KLHL32: variants seen among roughly 807,000 people sequenced by gnomAD.
KLHL32 encodes the protein kelch-like protein 32.
KLHL32 carries 35 observed loss-of-function variants against 64.8 expected under a neutral mutation model. The observed-to-expected ratio is 0.54, with a 90% CI of 0.41 to 0.72. The LOEUF is 0.72. Among genes scored for constraint, KLHL32 ranks in the 30% least tolerant of loss-of-function variants. KLHL32 has a pLI of 0.00. For synonymous variants in KLHL32, 259 were observed against 281.0 expected (o/e 0.92, Z 0.78); for missense variants, 589 against 768.5 (o/e 0.77, Z 2.76).
intron 1 of KLHL32, among the ~76,000 whole-genome samples, chr6:96,936,838 C>G (rs1230117096): frequency 6.6e-6 from 1 of 152,196 alleles, no homozygotes; most frequent in Non-Finnish European, 1.5e-5. Flanking sequence ...GAACTGGTGT[C>G]TCACAGTTGG....
rs182291392 is a variant in KLHL32 at position 97,048,165 on chromosome 6, A to G, written c.312+6566A>G. On this transcript the variant is annotated intron_variant, in intron 4 of 10. Coordinates refer to ENST00000369261, the MANE Select transcript of KLHL32 (RefSeq NM_052904.4). The stretch of plus-strand genomic sequence containing the variant: ...AACCCAGTGGAGAGATAAACTCTGC[A>G]CCAAATGATAGTGACGTTTATAGTC... Among the ~76,000 whole-genome samples, 27 of 152,318 alleles carry G rather than the reference A, an allele frequency of 1.8e-4. No homozygotes were observed. In the East Asian group the frequency reaches 4.8e-3, roughly 27 times the overall value.
chr6:97,088,143 A>G (rs1793702103), intron 6 of KLHL32, among the ~76,000 whole-genome samples: 1 of 152,210 alleles, frequency 6.6e-6, no homozygotes, highest in Non-Finnish European at 1.5e-5. Context: ...GAGGTAACAT[A>G]GAGAGTTGTT....
rs182410993 is a variant in KLHL32, at chr6:97,056,296, G to A, written c.313-8332G>A. Reference sequence around the variant, plus strand: ...AATTTTTTGTATTTTTAGTAGAGTCGGGGTTTCACCATGTTAGCCAGGATG... The same window carrying A: ...AATTTTTTGTATTTTTAGTAGAGTCAGGGTTTCACCATGTTAGCCAGGATG... On this transcript the variant is annotated intron_variant, in intron 4 of 10. Transcript: ENST00000369261. 3.7e-3 allele frequency among the ~76,000 whole-genome samples: 559 copies of A among 151,728 alleles called. 4 individuals are homozygous for A. The highest frequency in any genetic ancestry group is 0.013 in the African/African-American group (526 of 41,366).
chr6:96,932,832 A>G lies in KLHL32; in HGVS notation c.-66+7806A>G, dbSNP rs369447149. On this transcript the variant is annotated intron_variant, in intron 1 of 10. Transcript: ENST00000369261. ...GCAATTCTTCCACCTTGGGCTTCCA[A>G]AGTGCTGGAATTAGAGATCTGAGCC... Among the ~76,000 whole-genome samples the G allele has an allele frequency of 5.3e-5, 8 of 152,156 alleles. No homozygotes were observed. In the East Asian group the frequency reaches 1.5e-3, roughly 29 times the overall value.
the KLHL32 span, among the ~76,000 whole-genome samples, chr6:96,917,582 C>A: frequency 1.3e-5 from 2 of 152,148 alleles, no homozygotes; most frequent in Admixed American, 1.3e-4. Context: ...ACATTCTTCA[C>A]AGAGGAGGCA....
intron 5 of KLHL32, among the ~76,000 whole-genome samples, chr6:97,070,860 A>G (rs1235270826): frequency 6.6e-6 from 1 of 152,166 alleles, no homozygotes; most frequent in Non-Finnish European, 1.5e-5. Context: ...ATACTTGGAA[A>G]TTGGTGGGGG....
rs1013737444 is a variant in KLHL32 at position 97,140,254 on chromosome 6, A to G, written c.*972A>G. 7 of 152,124 alleles carry G rather than the reference A, an allele frequency of 4.6e-5. No homozygotes were observed. Among genetic ancestry groups the G allele is most frequent in the Admixed American group, 1.3e-4 (2 of 15,284 alleles). The allele number at this position is 152,124 out of a possible 1,614,324, so 9.4% of individuals were successfully genotyped here. On this transcript the variant is annotated 3_prime_UTR_variant, in exon 11 of 11. Transcript: ENST00000369261. ...GTAACTCTCAGATGTCTTATTTAAA[A>G]TCATTTAGTGAAAAATGACATTTAA...
chr6:97,064,425 A>G (rs1789390440), intron 4 of KLHL32, among the ~76,000 whole-genome samples: 1 of 152,220 alleles, frequency 6.6e-6, no homozygotes, highest in Non-Finnish European at 1.5e-5. Context: ...CAGTAAAGAG[A>G]AAAATTGGCT....
intron 1 of KLHL32, among the ~76,000 whole-genome samples, chr6:96,935,376 A>G (rs1770457021): frequency 1.3e-5 from 2 of 152,210 alleles, no homozygotes; most frequent in Non-Finnish European, 2.9e-5. Context: ...CCATTTCAGG[A>G]CTAGAATTGT....
In KLHL32 at chr6:97,063,830, G is replaced by A. The variant is rs77183832; in HGVS notation, c.313-798G>A. On this transcript the variant is annotated intron_variant, in intron 4 of 10. Coordinates refer to ENST00000369261, the MANE Select transcript of KLHL32 (RefSeq NM_052904.4). ...GGAAATGGGTTAGAATGGAGGGCTG[G>A]GGCATCACTAAAGGCCTCCTTGCAC... 2.4e-3 allele frequency among the ~76,000 whole-genome samples: 364 copies of A among 152,256 alleles called. 2 individuals carry two copies. Among genetic ancestry groups the A allele is most frequent in the Non-Finnish European group, 3.8e-3 (259 of 68,026 alleles).
At chr6:97,077,755 G>A (rs1414341270) in intron 5 of KLHL32, among the ~76,000 whole-genome samples, 1 of 152,158 alleles carries the variant, frequency 6.6e-6, no homozygotes, top group Non-Finnish European at 1.5e-5. Flanking sequence ...CTCTTTTCAT[G>A]TAAAGTCATA....
At chr6:97,056,305 C>T (rs1787918565) in intron 4 of KLHL32, among the ~76,000 whole-genome samples, 1 of 151,956 alleles carries the variant, frequency 6.6e-6, no homozygotes, top group South Asian at 2.1e-4. Flanking sequence ...CGGGGTTTCA[C>T]CATGTTAGCC....
At chr6:97,075,282 A>C (rs1438377179) in intron 5 of KLHL32, among the ~76,000 whole-genome samples, 2 of 152,222 alleles carry the variant, frequency 1.3e-5, no homozygotes, top group Non-Finnish European at 2.9e-5. Context: ...TATCATATAC[A>C]TATGCATATC....
intron 1 of KLHL32, among the ~76,000 whole-genome samples, chr6:96,925,317 A>T (rs1226225608): frequency 1.3e-5 from 2 of 152,166 alleles, no homozygotes; most frequent in African/African-American, 4.8e-5. Flanking sequence ...TATTGAAAGA[A>T]CTGGTTTCTT....
intron 1 of KLHL32, among the ~76,000 whole-genome samples, chr6:96,959,147 C>T (rs1251301223): frequency 6.6e-6 from 1 of 152,148 alleles, no homozygotes; most frequent in Non-Finnish European, 1.5e-5. Context: ...CCAGATGCTC[C>T]AAGAGGACAG....
At position 97,139,160 on chromosome 6, in the gene KLHL32, T is replaced by G; in HGVS notation, c.1741T>G (p.Tyr581Asp). The change falls in exon 11 of 11, where the codon TAT (tyrosine) becomes GAT (aspartate). Residue 581 changes from tyrosine to aspartate, a missense_variant. This residue lies in a region of KLHL32 where 172 missense variants were observed against 192.0 expected (regional missense o/e 0.90). Coordinates refer to ENST00000369261, the MANE Select transcript of KLHL32 (RefSeq NM_052904.4). ...VSREGKEEVFYGPTLPFASNG... is the reference protein window; with the variant it reads ...VSREGKEEVFDGPTLPFASNG... ...CAGAGAAGGCAAAGAAGAAGTATTC[T>G]ATGGGCCTACACTCCCTTTTGCTTC... The G allele has an allele frequency of 6.2e-7, 1 of 1,614,100 alleles. No homozygotes were observed. Among genetic ancestry groups the G allele is most frequent in the Middle Eastern group, 1.6e-4 (1 of 6,062 alleles).
At chr6:97,077,227 C>T (rs900266896) in intron 5 of KLHL32, among the ~76,000 whole-genome samples, 2 of 152,150 alleles carry the variant, frequency 1.3e-5, no homozygotes, top group Non-Finnish European at 2.9e-5. Flanking sequence ...AAGGGAAGGG[C>T]ATTTATATTA....
chr6:96,968,064 TG>T (rs1774667710), intron 2 of KLHL32, among the ~76,000 whole-genome samples: 2 of 152,322 alleles, frequency 1.3e-5, no homozygotes, highest in Admixed American at 1.3e-4. Flanking sequence ...TGTTAAGTAA[TG>T]AGACCAGCTT....
At chr6:97,057,710 T>C (rs1788240012) in intron 4 of KLHL32, among the ~76,000 whole-genome samples, 1 of 152,188 alleles carries the variant, frequency 6.6e-6, no homozygotes, top group African/African-American at 2.4e-5. Flanking sequence ...AATTTCCTAA[T>C]AGTGTATTTT....
Sources: gnomAD v4.1 joint callset for allele counts (sites outside exome capture counted in the v4.1 genomes callset) on GRCh38, gnomAD v4.1.1 for gene constraint, gnomAD v4.1.1 regional missense constraint, MANE v1.5 for transcripts, NCBI Gene and HGNC (gene_info 2026-07-23, HGNC 2026-07-21) for gene names.